The following CYP4F3 variants were observed in gnomAD, a reference collection of about 807,000 sequenced individuals.
CYP4F3 encodes cytochrome P450 4F3.
In CYP4F3, 50 loss-of-function variants were observed where a neutral mutation model predicts 54.8. That is an observed-to-expected ratio of 0.91 (90% CI 0.73 to 1.16). The LOEUF (loss-of-function observed/expected upper bound fraction) is 1.16. CYP4F3 is among the 50% of genes most tolerant of loss of function. CYP4F3 has a pLI of 0.00. For synonymous variants in CYP4F3, 244 were observed against 262.6 expected (o/e 0.93, Z 0.69); for missense variants, 715 against 676.2 (o/e 1.06, Z -0.64).
At chr19:15,643,969 C>A in intron 2 of CYP4F3, 1 of 1,607,456 alleles carries the variant, frequency 6.2e-7, no homozygotes. Context: ...ACCCCCAGGG[C>A]TTTAAGGTCT....
At chr19:15,657,022 A>C (rs1488376737) in intron 9 of CYP4F3, among the ~76,000 whole-genome samples, 1 of 152,182 alleles carries the variant, frequency 6.6e-6, no homozygotes, top group Non-Finnish European at 1.5e-5. Flanking sequence ...TTTGCCTTCC[A>C]GAGTGTCTGT....
intron 5 of CYP4F3, among the ~76,000 whole-genome samples, chr19:15,647,833 C>T (rs900730115): frequency 2.6e-5 from 4 of 152,172 alleles, no homozygotes; most frequent in Admixed American, 6.5e-5. Flanking sequence ...TACAGATGGC[C>T]TCAGCTTAGA....
rs1568397543 is a variant in CYP4F3, at chr19:15,650,680, C to CTTTCTTTCTTTCTTTCTTTCTTT, written c.918+498_918+520dup. Among the ~76,000 whole-genome samples the CTTTCTTTCTTTCTTTCTTTCTTT allele has an allele frequency of 1.2e-3, 71 of 58,074 alleles. 4 individuals are homozygous for CTTTCTTTCTTTCTTTCTTTCTTT. The highest frequency in any genetic ancestry group is 7.8e-3 in the Middle Eastern group (1 of 128). 38.1% of individuals were successfully genotyped at this position (58,074 alleles called of 152,430 possible). On this transcript the variant is annotated intron_variant, in intron 7 of 12. Coordinates refer to ENST00000221307, the MANE Select transcript of CYP4F3 (RefSeq NM_000896.3). ...CTTCTTTTTCTTTCTTTCTTTCTTT[C>CTTTCTTTCTTTCTTTCTTTCTTT]TTTCTTTCTTTCTTTCTTTCTTTCT...
At chr19:15,642,296 G>A (rs1367985716) in intron 2 of CYP4F3, among the ~76,000 whole-genome samples, 2 of 152,184 alleles carry the variant, frequency 1.3e-5, no homozygotes, top group Non-Finnish European at 2.9e-5. Context: ...AAGTGGGAGG[G>A]TGCACAGGAT....
In CYP4F3 at chr19:15,649,034, G is replaced by A. The variant is rs1275038384; in HGVS notation, c.526-126G>A. ...GCTTGCACCATAACCTGGTGCTCCC[G>A]GGTAAAGGGTCCCTGGGGAGAAGAT... is the stretch of plus-strand genomic sequence containing the variant. On this transcript the variant is annotated intron_variant, in intron 5 of 12. Transcript: ENST00000221307. The A allele has an allele frequency of 1.3e-5, 19 of 1,435,242 alleles. No individual in the cohort carries two copies. The South Asian group carries it at 1.7e-4, about 13-fold the overall frequency. 88.9% of individuals were successfully genotyped at this position (1,435,242 alleles called of 1,614,324 possible).
Position 15,658,512 on chromosome 19 carries a change from T to C in CYP4F3, c.1271T>C (p.Val424Ala). The change falls in exon 11 of 13, where the codon GTT becomes GCT. Residue 424 changes from valine (V) to alanine (A), a missense_variant. Coordinates refer to ENST00000221307, the MANE Select transcript of CYP4F3 (RefSeq NM_000896.3). Reference sequence around the variant, plus strand: ...ACAGGCATTATCTGCCTCATCAGTGTTTTTGGAACCCATCACAACCCAGCC... The same window carrying C: ...ACAGGCATTATCTGCCTCATCAGTGCTTTTGGAACCCATCACAACCCAGCC... ...IPKGIICLIS[V>A]FGTHHNPAVW... The C allele has an allele frequency of 4.3e-6, 7 of 1,614,114 alleles. No homozygotes were observed. The highest frequency in any genetic ancestry group is 5.9e-6 in the Non-Finnish European group (7 of 1,179,988).
chr19:15,649,467 G>A (rs1424779479), intron 6 of CYP4F3, among the ~76,000 whole-genome samples, 186 bp downstream of exon 6: 1 of 152,140 alleles, frequency 6.6e-6, no homozygotes, highest in Non-Finnish European at 1.5e-5. Flanking sequence ...GGTTTGAACT[G>A]GTGGGTGTGG....
rs28371501 is a variant in CYP4F3, at chr19:15,659,039, T to A, written c.1398-181T>A. On this transcript the variant is annotated intron_variant, in intron 12 of 12. Transcript: ENST00000221307. ...CCCCACCTTGGTCTAGGCTGGGGGG[T>A]TGGAGCTCGGCTAGGCTCGCAGGAT... Among the ~76,000 whole-genome samples the A allele has an allele frequency of 5.3e-5, 8 of 151,494 alleles. No individual in the cohort carries two copies. The East Asian group carries it at 1.2e-3, about 22-fold the overall frequency.
At chr19:15,653,190 A>G (rs1972911471) in intron 9 of CYP4F3, among the ~76,000 whole-genome samples, 1 of 152,166 alleles carries the variant, frequency 6.6e-6, no homozygotes, top group South Asian at 2.1e-4. Context: ...GTGAGGACAG[A>G]TAACGCCACT....
intron 9 of CYP4F3, 96 bp downstream of exon 9, chr19:15,653,048 C>T (rs1022092603): frequency 1.3e-6 from 2 of 1,489,554 alleles, no homozygotes; most frequent in African/African-American, 2.8e-5. Context: ...GTTGATTCTG[C>T]CACTATTGCT....
rs1383345820 is a variant in CYP4F3 at position 15,659,267 on chromosome 19, T to C, written c.1445T>C (p.Leu482Pro). 6.2e-7 allele frequency: 1 copy of C among 1,613,116 alleles called. No individual in the cohort carries two copies. Among genetic ancestry groups the C allele is most frequent in the Non-Finnish European group, 8.5e-7 (1 of 1,179,856 alleles). Reference sequence around the variant, plus strand: ...GCGATGGCGGAGATGAAGGTGGTCCTGGGGCTCACGCTGCTGCGCTTCCGC... The same window carrying C: ...GCGATGGCGGAGATGAAGGTGGTCCCGGGGCTCACGCTGCTGCGCTTCCGC... ...AFAMAEMKVV[L>P]GLTLLRFRVL... Residue 482 changes from leucine to proline, a missense_variant, in exon 13 of 13, where the codon CTG becomes CCG. Coordinates refer to ENST00000221307, the MANE Select transcript of CYP4F3 (RefSeq NM_000896.3).
At chr19:15,643,206 T>G (rs991805301) in intron 2 of CYP4F3, among the ~76,000 whole-genome samples, 1 of 151,534 alleles carries the variant, frequency 6.6e-6, no homozygotes, top group South Asian at 2.1e-4. Flanking sequence ...GATGGATGAA[T>G]GGATGCACAG....
At chr19:15,657,283 A>C (rs1973052898) in intron 9 of CYP4F3, among the ~76,000 whole-genome samples, 1 of 152,220 alleles carries the variant, frequency 6.6e-6, no homozygotes, top group South Asian at 2.1e-4. Context: ...GCTGAATCAA[A>C]GACCATTTGC....
Position 15,653,064 on chromosome 19 carries a change from G to A in CYP4F3, c.1115+112G>A, listed in dbSNP as rs1261862451. The A allele has an allele frequency of 3.4e-6, 5 of 1,453,926 alleles. No homozygotes were observed. In the African/African-American group the frequency reaches 5.7e-5, roughly 17 times the overall value. 90.1% of individuals were successfully genotyped at this position (1,453,926 alleles called of 1,614,324 possible). A position where few individuals can be genotyped will look rare whatever the true frequency, so the allele number is the denominator to read the frequency against. ...TTGATTCTGCCACTATTGCTTAGTG[G>A]GAATAGGAGCAGAGGACCACAGGCA... On this transcript the variant is annotated intron_variant, in intron 9 of 12. Transcript: ENST00000221307.
At chr19:15,646,422 G>A (rs1972626872) in intron 3 of CYP4F3, among the ~76,000 whole-genome samples, 1 of 152,194 alleles carries the variant, frequency 6.6e-6, no homozygotes, top group South Asian at 2.1e-4. Context: ...GTTGTAGTAT[G>A]TTTGGGTCAT....
chr19:15,658,668 C>T (rs4646517), intron 11 of CYP4F3, 59 bp from the exon 12 acceptor site: 364,209 of 1,610,008 alleles, frequency 0.23, 46,245 homozygotes, highest in East Asian at 0.48. Flanking sequence ...ACCACTGTCT[C>T]TCCAAGGCTG....
rs1175482967 is a variant in CYP4F3, at chr19:15,650,776, G to GTTCT, written c.918+614_918+617dup. Among the ~76,000 whole-genome samples the GTTCT allele has an allele frequency of 6.6e-4, 17 of 25,742 alleles. 5 individuals carry two copies. Among genetic ancestry groups the GTTCT allele is most frequent in the East Asian group, 2.0e-3 (1 of 494 alleles). 16.9% of individuals were successfully genotyped at this position (25,742 alleles called of 152,430 possible). Reference sequence around the variant, plus strand: ...ATCTTTCTTTCTTTCTTTTTCTTTCGTTCTTTCTTTCTTTCTTTCTTTCTC... The same window carrying GTTCT: ...ATCTTTCTTTCTTTCTTTTTCTTTCGTTCTTTCTTTCTTTCTTTCTTTCTTTCTC... On this transcript the variant is annotated intron_variant, in intron 7 of 12. Transcript: ENST00000221307.
In CYP4F3 at chr19:15,661,753, T is replaced by C. The variant is rs1973188336; in HGVS notation, c.*2368T>C. 1 of 152,176 alleles carries C rather than the reference T, an allele frequency of 6.6e-6. No individual in the cohort carries two copies. The allele number at this position is 152,176 out of a possible 1,614,324, so 9.4% of individuals were successfully genotyped here. The stretch of plus-strand genomic sequence containing the variant: ...ATTTTTATGAAGTAAGACTTCTCAG[T>C]TTTATTTTTGGTGAATTATGTTTAT... On this transcript the variant is annotated 3_prime_UTR_variant, in exon 13 of 13. Coordinates refer to ENST00000221307, the MANE Select transcript of CYP4F3 (RefSeq NM_000896.3).
In CYP4F3 at chr19:15,647,330, T is replaced by G. The variant is rs763092492; in HGVS notation, c.525+6T>G. ...AGAGTGTGAACATCATGCATGTGAG[T>G]TATTTGAAGCCAAGGTCCCAGCTGC... On this transcript the variant is annotated splice_donor_region_variant and intron_variant, in intron 5 of 12. Coordinates refer to ENST00000221307, the MANE Select transcript of CYP4F3 (RefSeq NM_000896.3). 6.2e-7 allele frequency: 1 copy of G among 1,614,140 alleles called. No homozygotes were observed. The highest frequency in any genetic ancestry group is 2.2e-5 in the East Asian group (1 of 44,872).
Sources: allele counts gnomAD v4.1 joint callset (sites outside exome capture counted in the v4.1 genomes callset), GRCh38; gene constraint gnomAD v4.1.1; transcripts MANE v1.5; gene names NCBI Gene and HGNC (gene_info 2026-07-23, HGNC 2026-07-21).